The following GALK2 variants were observed in gnomAD, a reference collection of about 807,000 sequenced individuals.
The protein encoded by GALK2 is N-acetylgalactosamine kinase.
In GALK2, 36 loss-of-function variants were observed where a neutral mutation model predicts 52.4. The observed-to-expected ratio is 0.69, with a 90% confidence interval of 0.53 to 0.91. The LOEUF is 0.91. Among genes scored for constraint, GALK2 ranks in the 40% least tolerant of loss-of-function variants. The pLI is 0.00. For missense variants in GALK2, 579 were observed against 559.1 expected (o/e 1.04, Z -0.36); for synonymous variants, 176 against 199.1 (o/e 0.88, Z 0.98).
At chr15:49,191,883 A>G (rs2086749314) in intron 1 of GALK2, among the ~76,000 whole-genome samples, 1 of 151,736 alleles carries the variant, frequency 6.6e-6, no homozygotes, top group African/African-American at 2.4e-5. Context: ...CCATACTTTT[A>G]ATTTATTAAT....
At chr15:49,161,557 CAG>C (rs1223770286) in intron 1 of GALK2, among the ~76,000 whole-genome samples, 4 of 151,912 alleles carry the variant, frequency 2.6e-5, no homozygotes, top group South Asian at 2.1e-4. Context: ...GTAATTTTAA[CAG>C]AGTGTATTTG....
intron 3 of GALK2, chr15:49,366,763 C>T (rs2045280246): frequency 2.8e-6 from 2 of 707,198 alleles, no homozygotes; most frequent in Non-Finnish European, 4.6e-6. Flanking sequence ...CACTGCGCTG[C>T]CTCCGTGGCG....
chr15:49,199,718 G>T (rs1026071834), intron 1 of GALK2, among the ~76,000 whole-genome samples: 6 of 152,152 alleles, frequency 3.9e-5, no homozygotes, highest in African/African-American at 1.4e-4. Flanking sequence ...TGCTGGAGCT[G>T]TTAAGTCTTG....
At chr15:49,200,412 G>A (rs2087638430) in intron 1 of GALK2, among the ~76,000 whole-genome samples, 1 of 152,166 alleles carries the variant, frequency 6.6e-6, no homozygotes, top group Non-Finnish European at 1.5e-5. Context: ...TGCAGAATAT[G>A]ACCTTATTTG....
At chr15:49,347,008 A>G (rs2041601433) in intron 3 of GALK2, among the ~76,000 whole-genome samples, 1 of 152,178 alleles carries the variant, frequency 6.6e-6, no homozygotes, top group Non-Finnish European at 1.5e-5. Flanking sequence ...CATGTGACTT[A>G]CTCTATAGGA....
Position 49,259,251 on chromosome 15 carries a change from A to G in GALK2, c.504+19884A>G, listed in dbSNP as rs1428892079. Among the ~76,000 whole-genome samples the G allele has an allele frequency of 4.0e-5, 6 of 151,628 alleles. No homozygotes were observed. The South Asian group carries it at 1.3e-3, about 32-fold the overall frequency. ...TGTGCACAATGTGCAGGTTAGTTAC[A>G]TATGTATACATGTGCCATGCTGTTG... On this transcript the variant is annotated intron_variant, in intron 5 of 9. Transcript: ENST00000560031.
chr15:49,260,318 C>G (rs1348989426), intron 5 of GALK2, among the ~76,000 whole-genome samples: 1 of 152,008 alleles, frequency 6.6e-6, no homozygotes, highest in African/African-American at 2.4e-5. Flanking sequence ...GATTTGCATT[C>G]CTCTGATGGC....
chr15:49,312,406 T>C (rs2036067657), intron 8 of GALK2, among the ~76,000 whole-genome samples: 1 of 152,178 alleles, frequency 6.6e-6, no homozygotes, highest in Admixed American at 6.5e-5. Flanking sequence ...GACATCAGAT[T>C]CTATGTTCTT....
chr15:49,341,739 T>C (rs1567106731), intron 3 of GALK2, among the ~76,000 whole-genome samples: 1 of 152,220 alleles, frequency 6.6e-6, no homozygotes, highest in Non-Finnish European at 1.5e-5. Flanking sequence ...GATTTTGGTA[T>C]GTTCTGGTTC....
At chr15:49,268,768 G>A (rs1313312409) in intron 5 of GALK2, among the ~76,000 whole-genome samples, 1 of 152,198 alleles carries the variant, frequency 6.6e-6, no homozygotes, top group East Asian at 1.9e-4. Context: ...TGGATTGGCA[G>A]TGTGTAAAAT....
intron 8 of GALK2, among the ~76,000 whole-genome samples, chr15:49,317,502 G>A (rs546349420): frequency 5.9e-5 from 9 of 152,120 alleles, no homozygotes; most frequent in African/African-American, 2.2e-4. Flanking sequence ...ACAGTGTGGC[G>A]ATTCCTCAAG....
chr15:49,171,970 G>A lies in GALK2; in HGVS notation c.53+1595G>A, dbSNP rs756049860. On this transcript the variant is annotated intron_variant, in intron 1 of 9. Transcript: ENST00000560031. ...GTGTTTTTGGTAGAGACGGAGTTTC[G>A]CCATGTTGGCCAGGCTGGTCTCCAA... 6.6e-5 allele frequency among the ~76,000 whole-genome samples: 10 copies of A among 151,802 alleles called. 1 individual carries two copies. Among genetic ancestry groups the A allele is most frequent in the Non-Finnish European group, 1.5e-4 (10 of 67,950 alleles).
chr15:49,300,387 C>T (rs979257051), intron 8 of GALK2, among the ~76,000 whole-genome samples: 4 of 152,006 alleles, frequency 2.6e-5, no homozygotes, highest in Admixed American at 2.6e-4. Flanking sequence ...GCTTCTTTAT[C>T]CCACTCATCA....
chr15:49,250,391 A>G (rs1041085673), intron 5 of GALK2, among the ~76,000 whole-genome samples: 8 of 152,186 alleles, frequency 5.3e-5, no homozygotes, highest in African/African-American at 1.9e-4. Context: ...CATGAGAGTA[A>G]AAGATGTCTT....
chr15:49,248,624 C>T (rs368523057), intron 5 of GALK2, among the ~76,000 whole-genome samples: 4 of 152,082 alleles, frequency 2.6e-5, no homozygotes, highest in African/African-American at 4.8e-5. Flanking sequence ...AAACCATTCA[C>T]GTAGTTTTGT....
intron 1 of GALK2, chr15:49,156,502 G>T: frequency 2.0e-6 from 1 of 499,178 alleles, no homozygotes; most frequent in African/African-American, 2.0e-5. Flanking sequence ...AAGATGACAA[G>T]CTGCTGTCAT....
At chr15:49,226,304 C>T (rs1696479149) in intron 3 of GALK2, among the ~76,000 whole-genome samples, 1 of 152,174 alleles carries the variant, frequency 6.6e-6, no homozygotes, top group Admixed American at 6.5e-5. Flanking sequence ...ACTAACCCCT[C>T]CCTCAGGAGG....
At chr15:49,259,803 C>G (rs1157860745) in intron 5 of GALK2, among the ~76,000 whole-genome samples, 1 of 145,654 alleles carries the variant, frequency 6.9e-6, no homozygotes, top group African/African-American at 2.5e-5. Flanking sequence ...TTGTTCAATT[C>G]CCACCTATGA....
chr15:49,335,846 A>AT (rs1322588945), downstream of GALK2, among the ~76,000 whole-genome samples: 2 of 152,026 alleles, frequency 1.3e-5, no homozygotes, highest in Non-Finnish European at 2.9e-5. Flanking sequence ...ACCAAAATTC[A>AT]TTTTTTTCTT....
Sources: allele counts gnomAD v4.1 joint callset (sites outside exome capture counted in the v4.1 genomes callset), GRCh38; gene constraint gnomAD v4.1.1; transcripts MANE v1.5; gene names NCBI Gene and HGNC (gene_info 2026-07-23, HGNC 2026-07-21).